LAMA2: variants seen among roughly 807,000 people sequenced by gnomAD.
LAMA2 encodes the protein laminin subunit alpha 2.
A neutral mutation model predicts 364.8 loss-of-function variants in LAMA2; 269 were observed. The ratio of observed to expected loss-of-function variants is 0.74; its 90% confidence interval spans 0.67 to 0.82. The LOEUF is 0.82. Among genes scored for constraint, LAMA2 ranks in the 40% least tolerant of loss-of-function variants. The probability of loss-of-function intolerance (pLI) is 0.00; values close to 1 mark genes in which losing one functional copy is unlikely to be tolerated. For missense variants in LAMA2, 3,807 were observed against 3,873.2 expected (o/e 0.98, Z 0.45); for synonymous variants, 1,379 against 1,370.6 (o/e 1.01, Z -0.14).
chr6:129,172,880 C>A (rs903554334), intron 9 of LAMA2, among the ~76,000 whole-genome samples: 3 of 152,226 alleles, frequency 2.0e-5, no homozygotes, highest in Admixed American at 6.5e-5. Flanking sequence ...CATGGTTCAC[C>A]GTTTTTTAAG....
intron 10 of LAMA2, among the ~76,000 whole-genome samples, chr6:129,181,597 A>T (rs538402330): frequency 6.6e-6 from 1 of 152,120 alleles, no homozygotes; most frequent in South Asian, 2.1e-4. Context: ...GATTGGGTTA[A>T]ACAAGAGATG....
In LAMA2 at chr6:129,427,748, A is replaced by G. The variant is rs1464803897; in HGVS notation, c.5866-4A>G. ...ATGTATGACATTTGTTTTTCTGTCC[A>G]CAGGCAACAGGTCCTCGGGGTTTAT... On this transcript the variant is annotated splice_polypyrimidine_tract_variant and splice_region_variant and intron_variant, in intron 40 of 64. Coordinates refer to ENST00000421865, the MANE Select transcript of LAMA2 (RefSeq NM_000426.4). 6.2e-7 allele frequency: 1 copy of G among 1,607,988 alleles called. No individual in the cohort carries two copies. The highest frequency in any genetic ancestry group is 1.7e-5 in the Admixed American group (1 of 59,974).
chr6:128,955,950 C>T (rs772265180), intron 1 of LAMA2, among the ~76,000 whole-genome samples: 18 of 151,872 alleles, frequency 1.2e-4, no homozygotes, highest in Middle Eastern at 3.4e-3. Context: ...AAAAAATGTT[C>T]CTTGAGCAAG....
intron 52 of LAMA2, among the ~76,000 whole-genome samples, chr6:129,475,041 A>G (rs571079635): frequency 6.6e-6 from 1 of 152,270 alleles, no homozygotes; most frequent in East Asian, 1.9e-4. Flanking sequence ...GCTGTTTGAG[A>G]GGCAATATTT....
At chr6:128,977,105 C>T (rs774954199) in intron 1 of LAMA2, among the ~76,000 whole-genome samples, 6 of 149,416 alleles carry the variant, frequency 4.0e-5, no homozygotes, top group Admixed American at 6.8e-5. Flanking sequence ...TAAAGAACTT[C>T]GCATTGCTAC....
intron 4 of LAMA2, among the ~76,000 whole-genome samples, chr6:129,105,932 T>A (rs1452873464): frequency 6.6e-6 from 1 of 152,220 alleles, no homozygotes; most frequent in Non-Finnish European, 1.5e-5. Flanking sequence ...GTCACTAGAC[T>A]GCTAGCTAAA....
intron 2 of LAMA2, among the ~76,000 whole-genome samples, chr6:129,055,719 G>A (rs1295792796): frequency 2.0e-5 from 3 of 152,142 alleles, no homozygotes; most frequent in South Asian, 2.1e-4. Flanking sequence ...CAAAGAAAAC[G>A]AACCTTGAAC....
intron 12 of LAMA2, among the ~76,000 whole-genome samples, chr6:129,220,299 A>G (rs1783737880): frequency 6.6e-6 from 1 of 152,210 alleles, no homozygotes; most frequent in Non-Finnish European, 1.5e-5. Flanking sequence ...AAGATAAGCA[A>G]TGAGCAAAAA....
intron 29 of LAMA2, 65 bp downstream of exon 29, chr6:129,328,477 T>A (rs1775437479): frequency 6.2e-7 from 1 of 1,613,060 alleles, no homozygotes; most frequent in Admixed American, 1.7e-5. Flanking sequence ...ATGCTCAGCA[T>A]CTGCATGCAG....
chr6:129,053,850 G>A (rs970243222), intron 2 of LAMA2, among the ~76,000 whole-genome samples: 1 of 152,128 alleles, frequency 6.6e-6, no homozygotes, highest in African/African-American at 2.4e-5. Context: ...AGAGAATGAA[G>A]GACAGAGGAG....
intron 32 of LAMA2, among the ~76,000 whole-genome samples, chr6:129,361,827 C>T (rs1020771737): frequency 1.3e-5 from 2 of 149,604 alleles, no homozygotes; most frequent in African/African-American, 4.9e-5. Flanking sequence ...CTCTGTTTCC[C>T]AGGCTGAAGT....
intron 41 of LAMA2, among the ~76,000 whole-genome samples, chr6:129,436,576 A>C (rs997663039): frequency 2.0e-5 from 3 of 152,098 alleles, no homozygotes; most frequent in African/African-American, 7.2e-5. Context: ...TTGAAGGGTA[A>C]ATTTCTATCA....
chr6:129,366,948 C>T (rs1159608537), intron 33 of LAMA2, among the ~76,000 whole-genome samples: 1 of 152,184 alleles, frequency 6.6e-6, no homozygotes, highest in Non-Finnish European at 1.5e-5. Flanking sequence ...GGCTCAAACA[C>T]ACAGGCAAAT....
chr6:129,143,738 A>G (rs1027765677), intron 4 of LAMA2, among the ~76,000 whole-genome samples, 163 bp from the exon 5 acceptor site: 6 of 152,184 alleles, frequency 3.9e-5, no homozygotes, highest in East Asian at 1.9e-4. Context: ...ACTATAACAT[A>G]TATCAGTTAC....
chr6:129,430,067 A>C (rs1310101563), intron 41 of LAMA2, among the ~76,000 whole-genome samples: 1 of 152,348 alleles, frequency 6.6e-6, no homozygotes, highest in South Asian at 2.1e-4. Flanking sequence ...AGCCAAGGCT[A>C]TGACGGAGAT....
intron 1 of LAMA2, among the ~76,000 whole-genome samples, chr6:128,935,947 T>C (rs1464263181): frequency 6.6e-6 from 1 of 152,144 alleles, no homozygotes; most frequent in Non-Finnish European, 1.5e-5. Context: ...GGAAACCAGA[T>C]GAAGGTAATT....
intron 8 of LAMA2, among the ~76,000 whole-genome samples, chr6:129,164,309 T>A (rs190946924): frequency 2.6e-5 from 4 of 152,312 alleles, no homozygotes; most frequent in Admixed American, 2.6e-4. Flanking sequence ...ACCACACTAT[T>A]CAAAATGACA....
chr6:128,946,226 G>T (rs1294238614), intron 1 of LAMA2, among the ~76,000 whole-genome samples: 2 of 152,178 alleles, frequency 1.3e-5, no homozygotes, highest in African/African-American at 4.8e-5. Flanking sequence ...AGATTAAAAA[G>T]AAATCTAAGT....
rs115323568 is a variant in LAMA2 at position 129,462,869 on chromosome 6, T to C, written c.6993-1421T>C. On this transcript the variant is annotated intron_variant, in intron 49 of 64. Coordinates refer to ENST00000421865, the MANE Select transcript of LAMA2 (RefSeq NM_000426.4). ...CATGGAGAAGATGTAAAAGTGAGGC[T>C]AAAAGAGGTAGACTAAGAAAATGTC... Among the ~76,000 whole-genome samples the C allele has an allele frequency of 3.5e-3, 535 of 152,078 alleles. 5 individuals carry two copies. Among genetic ancestry groups the C allele is most frequent in the African/African-American group, 0.012 (518 of 41,528 alleles).
Sources: gnomAD v4.1 joint callset for allele counts (sites outside exome capture counted in the v4.1 genomes callset) on GRCh38, gnomAD v4.1.1 for gene constraint, MANE v1.5 for transcripts, NCBI Gene and HGNC (gene_info 2026-07-23, HGNC 2026-07-21) for gene names.